Variants in DUOXA2 observed in about 807,000 individuals in gnomAD.
DUOXA2 encodes the protein dual oxidase maturation factor 2.
DUOXA2 carries 22 observed loss-of-function variants against 27.6 expected under a neutral mutation model. The observed-to-expected ratio is 0.80, with a 90% CI of 0.57 to 1.14. The LOEUF (loss-of-function observed/expected upper bound fraction) is 1.14, where lower values mean the gene tolerates loss of function less well. Ranked by LOEUF, DUOXA2 falls within the 50% of genes most tolerant of loss-of-function variation. The probability of loss-of-function intolerance (pLI) is 0.00; values close to 1 mark genes in which losing one functional copy is unlikely to be tolerated. For synonymous variants in DUOXA2, 188 were observed against 184.4 expected (o/e 1.02, Z -0.16); for missense variants, 481 against 419.9 (o/e 1.15, Z -1.27).
chr15:45,115,399 A>T (rs1234039501), intron 1 of DUOXA2: 11 of 477,586 alleles, frequency 2.3e-5, no homozygotes, highest in African/African-American at 5.9e-5. Flanking sequence ...CCCCTCGGAG[A>T]TCAGGCTGGG....
At chr15:45,115,277 A>G (rs1202799855) in intron 1 of DUOXA2, 2 of 365,666 alleles carry the variant, frequency 5.5e-6, no homozygotes, top group Non-Finnish European at 1.1e-5. Context: ...CCTCTCCCAG[A>G]ACCTAGGTTG....
At chr15:45,114,902 G>C in intron 1 of DUOXA2, 150 bp downstream of exon 1, 1 of 1,200,822 alleles carries the variant, frequency 8.3e-7, no homozygotes, top group South Asian at 1.3e-5. Context: ...GTCTGGTGCA[G>C]CAAGCACCCC....
rs900672900 is a variant in DUOXA2 at position 45,114,507 on chromosome 15, A to T, written c.-99A>T. ...CCAGCCCACTCGGTCCCAGCCTTGT[A>T]CGCAAAGAGACGCCAAGGACGCGCT... On this transcript the variant is annotated 5_prime_UTR_variant, in exon 1 of 6. Coordinates refer to ENST00000323030, the MANE Select transcript of DUOXA2 (RefSeq NM_207581.4). The T allele has an allele frequency of 1.3e-6, 2 of 1,535,516 alleles. No individual in the cohort carries two copies. Among genetic ancestry groups the T allele is most frequent in the Non-Finnish European group, 1.8e-6 (2 of 1,132,696 alleles).
chr15:45,115,449 C>T (rs1466881259), intron 1 of DUOXA2: 1 of 520,552 alleles, frequency 1.9e-6, no homozygotes, highest in Non-Finnish European at 3.7e-6. Context: ...GCGTGCCTAG[C>T]ACTTCTGGAC....
intron 5 of DUOXA2, 101 bp downstream of exon 5, chr15:45,117,406 C>A: frequency 6.6e-7 from 1 of 1,509,206 alleles, no homozygotes; most frequent in Non-Finnish European, 8.9e-7. Context: ...ATCTATTACC[C>A]TATTTGCCCC....
rs187290 is a variant in DUOXA2 at position 45,114,520 on chromosome 15, C to A, written c.-86C>A. On this transcript the variant is annotated 5_prime_UTR_variant, in exon 1 of 6. Coordinates refer to ENST00000323030, the MANE Select transcript of DUOXA2 (RefSeq NM_207581.4). ...TCCCAGCCTTGTACGCAAAGAGACG[C>A]CAAGGACGCGCTCTCCCGCGTCCAG... 5 of 1,575,092 alleles carry A rather than the reference C, an allele frequency of 3.2e-6. No homozygotes were observed. The African/African-American group carries it at 6.8e-5, about 21-fold the overall frequency.
chr15:45,116,936 A>G lies in DUOXA2; in HGVS notation c.555-155A>G, dbSNP rs891171914. On this transcript the variant is annotated intron_variant, in intron 4 of 5. Transcript: ENST00000323030. ...AGACTCCAGCCACCGCCTGGACCTC[A>G]GGAGCCCGCTTCTCCCCCGGGGAAT... 7.1e-5 allele frequency: 77 copies of G among 1,086,306 alleles called. No homozygotes were observed. The African/African-American group carries it at 1.1e-3, about 16-fold the overall frequency. 67.3% of individuals were successfully genotyped at this position (1,086,306 alleles called of 1,614,324 possible). A position where few individuals can be genotyped will look rare whatever the true frequency, so the allele number is the denominator to read the frequency against.
Position 45,118,238 on chromosome 15 carries a change from A to G in DUOXA2, c.*329A>G. On this transcript the variant is annotated 3_prime_UTR_variant, in exon 6 of 6. Coordinates refer to ENST00000323030, the MANE Select transcript of DUOXA2 (RefSeq NM_207581.4). ...ACCTGATTCTCTGCGTCGACTCCAG[A>G]GTAATAGGGGCGCCCTCTAGTGAGG... is the stretch of plus-strand genomic sequence containing the variant. The G allele has an allele frequency of 7.1e-7, 1 of 1,406,824 alleles. No homozygotes were observed. The highest frequency in any genetic ancestry group is 9.2e-7 in the Non-Finnish European group (1 of 1,087,336). The allele number at this position is 1,406,824 out of a possible 1,614,324, so 87.1% of individuals were successfully genotyped here. A position where few individuals can be genotyped will look rare whatever the true frequency, so the allele number is the denominator to read the frequency against.
intron 4 of DUOXA2, 138 bp downstream of exon 4, chr15:45,116,867 G>A (rs1242120374): frequency 9.1e-7 from 1 of 1,098,604 alleles, no homozygotes; most frequent in African/African-American, 1.6e-5. Flanking sequence ...TGACAGCCTC[G>A]CGGGTTAGAA....
In DUOXA2 at chr15:45,118,079, A is replaced by T. The variant is rs150014419; in HGVS notation, c.*170A>T. The T allele has an allele frequency of 2.4e-4, 370 of 1,530,798 alleles. No individual in the cohort carries two copies. The African/African-American group carries it at 4.3e-3, about 18-fold the overall frequency. The allele number at this position is 1,530,798 out of a possible 1,614,324, so 94.8% of individuals were successfully genotyped here. ...AGTCTCCTGGGGCGATCTGTAAATA[A>T]ACCTTTTTTTCTTTTGTTTTTTAAA... On this transcript the variant is annotated 3_prime_UTR_variant, in exon 6 of 6. Transcript: ENST00000323030.
intron 5 of DUOXA2, 92 bp downstream of exon 5, chr15:45,117,397 T>C: frequency 6.6e-7 from 1 of 1,504,348 alleles, no homozygotes; most frequent in African/African-American, 1.4e-5. Context: ...TGAATTCACA[T>C]CTATTACCCT....
rs748914671 is a variant in DUOXA2 at position 45,116,687 on chromosome 15, A to G, written c.512A>G (p.His171Arg). 5.6e-6 allele frequency: 9 copies of G among 1,613,482 alleles called. No individual in the cohort carries two copies. The South Asian group carries it at 9.9e-5, about 18-fold the overall frequency. ...CCGAGTAGCCCTTGCGGCCTGTACC[A>G]CCAGTACCACCTGGCGGGACACTAC... is the stretch of plus-strand genomic sequence containing the variant. ...FTPSSPCGLY[H>R]QYHLAGHYAS... is the part of the protein sequence containing the mutation. Residue 171 changes from histidine to arginine, a missense_variant, in exon 4 of 6, where the codon CAC (histidine) becomes CGC (arginine). By Grantham distance (29) the His-to-Arg change is conservative (BLOSUM62 0). Transcript: ENST00000323030.
In DUOXA2 at chr15:45,117,702, C is replaced by A; in HGVS notation, c.770-14C>A. 1 of 1,613,604 alleles carries A rather than the reference C, an allele frequency of 6.2e-7. No homozygotes were observed. The highest frequency in any genetic ancestry group is 8.5e-7 in the Non-Finnish European group (1 of 1,179,704). ...TCCACATGCCCTCCTTTCTTTCGAT[C>A]CCCACCGCCACAGGCGTCCTGTGCC... On this transcript the variant is annotated splice_polypyrimidine_tract_variant and intron_variant, in intron 5 of 5. Coordinates refer to ENST00000323030, the MANE Select transcript of DUOXA2 (RefSeq NM_207581.4).
intron 3 of DUOXA2, 128 bp from the exon 4 acceptor site, chr15:45,116,388 T>C: frequency 4.5e-6 from 7 of 1,560,820 alleles, no homozygotes; most frequent in Non-Finnish European, 6.1e-6. Context: ...TGGATTTGCG[T>C]TTTCTCCAAC....
At chr15:45,116,049 TC>T in intron 2 of DUOXA2, 74 bp from the exon 3 acceptor site, 1 of 1,610,236 alleles carries the variant, frequency 6.2e-7, no homozygotes, top group Non-Finnish European at 8.5e-7. Flanking sequence ...CTCTGCAGTG[TC>T]CCACCTCCCA....
chr15:45,116,511 C>G lies in DUOXA2; in HGVS notation c.341-5C>G. 1 of 1,613,630 alleles carries G rather than the reference C, an allele frequency of 6.2e-7. No individual in the cohort carries two copies. Among genetic ancestry groups the G allele is most frequent in the Non-Finnish European group, 8.5e-7 (1 of 1,180,002 alleles). ...GCAGCCCCATGAGCCCGCCTCACCC[C>G]ACAGGGACCCCAGTGCATCAGCTGA... On this transcript the variant is annotated splice_region_variant and splice_polypyrimidine_tract_variant and intron_variant, in intron 3 of 5. Transcript: ENST00000323030.
intron 5 of DUOXA2, 54 bp from the exon 6 acceptor site, chr15:45,117,662 C>A: frequency 6.2e-7 from 1 of 1,613,794 alleles, no homozygotes; most frequent in Non-Finnish European, 8.5e-7. Flanking sequence ...CCAGCCTGGG[C>A]AACATAGCCC....
Position 45,118,201 on chromosome 15 carries a change from C to T in DUOXA2, c.*292C>T. The T allele has an allele frequency of 7.0e-7, 1 of 1,424,618 alleles. No homozygotes were observed. Among genetic ancestry groups the T allele is most frequent in the African/African-American group, 1.4e-5 (1 of 69,672 alleles). 88.2% of individuals were successfully genotyped at this position (1,424,618 alleles called of 1,614,324 possible). A position where few individuals can be genotyped will look rare whatever the true frequency, so the allele number is the denominator to read the frequency against. ...TGGAGACAGCCTAGTACACTCTCCG[C>T]AGTGCTGTGAAACCTGATTCTCTGC... On this transcript the variant is annotated 3_prime_UTR_variant, in exon 6 of 6. Transcript: ENST00000323030.
rs1894648472 is a variant in DUOXA2, at chr15:45,116,650, GAGA to G, written c.478_480del (p.Lys160del). On this transcript the variant is annotated inframe_deletion, in exon 4 of 6. Coordinates refer to ENST00000323030, the MANE Select transcript of DUOXA2 (RefSeq NM_207581.4). Reference sequence around the variant, plus strand: ...GCCGGACCCAGTGCTCTACCTGGCGGAGAAGTTCACACCGAGTAGCCCTTGCGG... The same window carrying G: ...GCCGGACCCAGTGCTCTACCTGGCGGAGTTCACACCGAGTAGCCCTTGCGG... The G allele has an allele frequency of 6.2e-7, 1 of 1,613,744 alleles. No individual in the cohort carries two copies. The highest frequency in any genetic ancestry group is 1.7e-5 in the Admixed American group (1 of 60,010).
Sources: gnomAD v4.1 joint callset for allele counts on GRCh38, gnomAD v4.1.1 for gene constraint, MANE v1.5 for transcripts, NCBI Gene and HGNC (gene_info 2026-07-23, HGNC 2026-07-21) for gene names.